Variants in SCN9A observed in about 807,000 individuals in gnomAD.
SCN9A encodes the protein sodium voltage-gated channel alpha subunit 9, also known as sodium channel protein type 9 subunit alpha.
A neutral mutation model predicts 187.0 loss-of-function variants in SCN9A; 131 were observed. The observed-to-expected ratio is 0.70, with a 90% CI of 0.61 to 0.81. The LOEUF (loss-of-function observed/expected upper bound fraction) is 0.81, where lower values mean the gene tolerates loss of function less well. Ranked by LOEUF, SCN9A falls within the 30% of genes least tolerant of loss-of-function variation. The pLI is 0.00. For missense variants in SCN9A, 2,252 were observed against 2,396.6 expected (o/e 0.94, Z 1.26); for synonymous variants, 809 against 808.6 (o/e 1.00, Z -0.01).
chr2:166,299,838 A>T (rs576354509), intron 7 of SCN9A, among the ~76,000 whole-genome samples: 2 of 150,808 alleles, frequency 1.3e-5, no homozygotes, highest in Non-Finnish European at 2.9e-5. Context: ...TAGCTAGCTA[A>T]TAGTGACCTT....
intron 16 of SCN9A, among the ~76,000 whole-genome samples, chr2:166,275,400 CA>C (rs2106465888): frequency 6.6e-6 from 1 of 152,118 alleles, no homozygotes; most frequent in Admixed American, 6.6e-5. Flanking sequence ...GCCTGGCCAA[CA>C]TGACGAAAAC....
At chr2:166,352,277 T>A (rs539633485) in intron 1 of SCN9A, among the ~76,000 whole-genome samples, 2 of 152,312 alleles carry the variant, frequency 1.3e-5, no homozygotes, top group African/African-American at 4.8e-5. Flanking sequence ...CTTTAAAGAC[T>A]GTTCTATTCA....
In SCN9A at chr2:166,305,907, C is replaced by T. The variant is rs1445870886; in HGVS notation, c.481G>A (p.Gly161Arg). 1 of 1,612,590 alleles carries T rather than the reference C, an allele frequency of 6.2e-7. No homozygotes were observed. Among genetic ancestry groups the T allele is most frequent in the Non-Finnish European group, 8.5e-7 (1 of 1,179,238 alleles). ...ACAAGTGATTCAAAAGTATATATTC[C>T]AGTAAAAGTGTACCTAAACACAAGA... ...WTKNVEYTFTGIYTFESLVKI... is the reference protein window; with the variant it reads ...WTKNVEYTFTRIYTFESLVKI... Residue 161 changes from glycine (G) to arginine (R), a missense_variant, in exon 5 of 27, where the codon GGA becomes AGA. Physicochemically the swap from Gly to Arg is moderately radical, Grantham distance 125 (BLOSUM62 -2). Around this residue, in one of 7 missense-constraint regions of SCN9A, gnomAD observed 1,013 missense variants for 997.4 expected, o/e 1.02. Transcript: ENST00000642356.
intron 1 of SCN9A, among the ~76,000 whole-genome samples, chr2:166,373,327 TAAATGC>T (rs1700609718): frequency 1.3e-5 from 2 of 150,100 alleles, no homozygotes; most frequent in South Asian, 2.1e-4. Flanking sequence ...TTTTTTTTTT[TAAATGC>T]AGTTGTGAGC....
rs551400406 is a variant in SCN9A at position 166,304,326 on chromosome 2, A to G, written c.600T>C (p.Tyr200=). The G allele has an allele frequency of 3.1e-6, 5 of 1,610,644 alleles. No homozygotes were observed. Among genetic ancestry groups the G allele is most frequent in the East Asian group, 4.5e-5 (2 of 44,818 alleles). ...WLDFVVIVFA[Y]LTEFVNLGNV... ...TGCCTAGGTTTACAAATTCTGTTAAATACCTGTAGAATTAAATCAGAATTA... is the reference window on the plus strand; with the variant it reads ...TGCCTAGGTTTACAAATTCTGTTAAGTACCTGTAGAATTAAATCAGAATTA... Residue 200 remains tyrosine, a synonymous_variant, in exon 6 of 27, where the codon TAT becomes TAC. Coordinates refer to ENST00000642356, the MANE Select transcript of SCN9A (RefSeq NM_001365536.1).
intron 21 of SCN9A, among the ~76,000 whole-genome samples, chr2:166,231,339 G>A (rs1695074392): frequency 6.6e-6 from 1 of 152,072 alleles, no homozygotes; most frequent in African/African-American, 2.4e-5. Flanking sequence ...GTATAATCAT[G>A]ATCTTTCTTT....
chr2:166,359,616 A>T (rs1700230238), intron 1 of SCN9A, among the ~76,000 whole-genome samples: 1 of 152,096 alleles, frequency 6.6e-6, no homozygotes. Context: ...AATTTGGTAG[A>T]TGGCAAATCA....
chr2:166,246,377 T>C (rs1437611584), intron 18 of SCN9A, among the ~76,000 whole-genome samples: 1 of 152,010 alleles, frequency 6.6e-6, no homozygotes, highest in Admixed American at 6.6e-5. Context: ...CAATGTTAAT[T>C]ACAGTGAACA....
chr2:166,288,457 T>G lies in SCN9A; in HGVS notation c.1294A>C (p.Lys432Gln). 1 of 1,610,894 alleles carries G rather than the reference T, an allele frequency of 6.2e-7. No individual in the cohort carries two copies. The highest frequency in any genetic ancestry group is 8.5e-7 in the Non-Finnish European group (1 of 1,177,852). ...AGTACCTCAGCTTCTTCTTGCTCTTTTTTAAGACGGTCTAACATCTGTTGA... is the reference window on the plus strand; with the variant it reads ...AGTACCTCAGCTTCTTCTTGCTCTTGTTTAAGACGGTCTAACATCTGTTGA... ...EFQQMLDRLK[K>Q]EQEEAEAIAA... Residue 432 changes from lysine to glutamine, a missense_variant, in exon 10 of 27, where the codon AAA becomes CAA. Physicochemically the swap from Lys to Gln is moderately conservative, Grantham distance 53. This residue lies in a region of SCN9A where 1,013 missense variants were observed against 997.4 expected (regional missense o/e 1.02). Transcript: ENST00000642356.
intron 24 of SCN9A, among the ~76,000 whole-genome samples, chr2:166,208,541 T>TTTATAA (rs1693926545): frequency 3.7e-5 from 1 of 26,826 alleles, no homozygotes. Flanking sequence ...ATTATATATT[T>TTTATAA]GTATATCATG....
intron 15 of SCN9A, among the ~76,000 whole-genome samples, chr2:166,277,562 T>C (rs1455064046): frequency 6.6e-6 from 1 of 152,178 alleles, no homozygotes; most frequent in East Asian, 1.9e-4. Context: ...GAAGAAACTA[T>C]GTACTTTTAG....
intron 17 of SCN9A, among the ~76,000 whole-genome samples, chr2:166,271,556 A>G (rs1696985617): frequency 6.6e-6 from 1 of 152,028 alleles, no homozygotes; most frequent in African/African-American, 2.4e-5. Context: ...CACAGTACAT[A>G]ATTCGAGACT....
intron 1 of SCN9A, among the ~76,000 whole-genome samples, chr2:166,314,210 T>C (rs1044302473): frequency 3.9e-5 from 6 of 152,148 alleles, no homozygotes; most frequent in Non-Finnish European, 8.8e-5. Flanking sequence ...TTGAAAAAAT[T>C]ACGCTGACAG....
At chr2:166,222,577 G>A (rs1442369912) in intron 24 of SCN9A, among the ~76,000 whole-genome samples, 1 of 151,786 alleles carries the variant, frequency 6.6e-6, no homozygotes, top group Non-Finnish European at 1.5e-5. Context: ...GCAGTGAGCT[G>A]AGATCGCGCC....
intron 1 of SCN9A, among the ~76,000 whole-genome samples, chr2:166,363,202 A>T (rs1395511948): frequency 2.0e-5 from 3 of 152,200 alleles, no homozygotes; most frequent in Admixed American, 6.5e-5. Context: ...AACTTGCTTT[A>T]TTAAAATAAA....
chr2:166,211,770 A>G (rs1694106403), intron 24 of SCN9A, among the ~76,000 whole-genome samples: 1 of 152,086 alleles, frequency 6.6e-6, no homozygotes, highest in South Asian at 2.1e-4. Flanking sequence ...AAATCCACGT[A>G]AAAATACAGA....
In SCN9A at chr2:166,199,076, C is replaced by T. The variant is rs876661248; in HGVS notation, c.5563G>A (p.Glu1855Lys). 3 of 1,613,966 alleles carry T rather than the reference C, an allele frequency of 1.9e-6. No homozygotes were observed. Among genetic ancestry groups the T allele is most frequent in the Non-Finnish European group, 2.5e-6 (3 of 1,180,034 alleles). The change falls in exon 27 of 27, where the codon GAG becomes AAG. Residue 1855 changes from glutamate to lysine, a missense_variant. By Grantham distance (56) the Glu-to-Lys change is moderately conservative. Around this residue, in one of 7 missense-constraint regions of SCN9A, gnomAD observed 345 missense variants for 344.6 expected, o/e 1.00. Transcript: ENST00000642356. ...ATCTGTGAACGAAGAGAATCCATCTCCCCACTCTCACCCAAAACACGCTTT... is the reference window on the plus strand; with the variant it reads ...ATCTGTGAACGAAGAGAATCCATCTTCCCACTCTCACCCAAAACACGCTTT... ...FTKRVLGESGEMDSLRSQMEE... is the reference protein window; with the variant it reads ...FTKRVLGESGKMDSLRSQMEE...
At chr2:166,270,277 G>A (rs1273551571) in intron 17 of SCN9A, among the ~76,000 whole-genome samples, 1 of 151,906 alleles carries the variant, frequency 6.6e-6, no homozygotes, top group Admixed American at 6.6e-5. Context: ...TATTTACATT[G>A]TGTCAGTGAT....
chr2:166,368,855 C>T (rs969750249), intron 1 of SCN9A, among the ~76,000 whole-genome samples: 1 of 149,244 alleles, frequency 6.7e-6, no homozygotes. Flanking sequence ...GGCGAGGTGG[C>T]TCATGCCTGT....
Sources: gnomAD v4.1 joint callset for allele counts (sites outside exome capture counted in the v4.1 genomes callset) on GRCh38, gnomAD v4.1.1 for gene constraint, gnomAD v4.1.1 regional missense constraint, MANE v1.5 for transcripts, NCBI Gene and HGNC (gene_info 2026-07-23, HGNC 2026-07-21) for gene names.